Variants in COMMD10 observed in about 807,000 individuals in gnomAD.
COMMD10 encodes the protein COMM domain containing 10.
Under a neutral mutation model 28.9 loss-of-function variants are expected in COMMD10, and 33 were observed. That is an observed-to-expected ratio of 1.14 (90% CI 0.87 to 1.53). The LOEUF is 1.53. Ranked by LOEUF, COMMD10 falls within the 40% of genes most tolerant of loss-of-function variation. COMMD10 has a pLI of 0.00. For missense variants in COMMD10, 310 were observed against 233.4 expected (o/e 1.33, Z -2.14); for synonymous variants, 110 against 81.7 (o/e 1.35, Z -1.87).
chr5:116,162,583 C>T (rs1752951948), intron 5 of COMMD10, among the ~76,000 whole-genome samples: 2 of 152,108 alleles, frequency 1.3e-5, no homozygotes, highest in South Asian at 2.1e-4. Flanking sequence ...TAGATTTTCT[C>T]TTTTTATCAT....
At chr5:116,193,304 G>C (rs938055566) in intron 5 of COMMD10, among the ~76,000 whole-genome samples, 6 of 152,082 alleles carry the variant, frequency 3.9e-5, no homozygotes, top group Non-Finnish European at 5.9e-5. Flanking sequence ...TGAATGCAGT[G>C]GTACCTCACA....
At chr5:116,251,349 A>G (rs1402699903) in intron 5 of COMMD10, among the ~76,000 whole-genome samples, 1 of 149,038 alleles carries the variant, frequency 6.7e-6, no homozygotes, top group Admixed American at 6.7e-5. Context: ...TGTGCAGGTT[A>G]GTTACATACG....
chr5:116,232,225 T>A (rs1293885518), intron 5 of COMMD10, among the ~76,000 whole-genome samples: 2 of 152,152 alleles, frequency 1.3e-5, no homozygotes, highest in East Asian at 3.8e-4. Context: ...CTTCTGTAAC[T>A]TACCCATTGG....
At chr5:116,237,381 G>A (rs1749695172) in intron 5 of COMMD10, among the ~76,000 whole-genome samples, 1 of 151,950 alleles carries the variant, frequency 6.6e-6, no homozygotes, top group South Asian at 2.1e-4. Flanking sequence ...TTTTCTCTTT[G>A]GTAGTTTTAT....
chr5:116,270,959 T>G (rs1050461157), intron 5 of COMMD10, among the ~76,000 whole-genome samples: 1 of 150,238 alleles, frequency 6.7e-6, no homozygotes, highest in South Asian at 2.1e-4. Flanking sequence ...ATAAAGATTA[T>G]ATATAAATAA....
intron 4 of COMMD10, among the ~76,000 whole-genome samples, chr5:116,132,156 A>G (rs1247064745): frequency 6.6e-6 from 1 of 152,044 alleles, no homozygotes; most frequent in Non-Finnish European, 1.5e-5. Context: ...ATGAGTCATG[A>G]ATTTTGGAAA....
chr5:116,103,352 G>T (rs554822481), intron 4 of COMMD10, among the ~76,000 whole-genome samples: 23 of 152,214 alleles, frequency 1.5e-4, no homozygotes, highest in African/African-American at 5.1e-4. Context: ...ACTTTTTAAT[G>T]ATCACATTCT....
intron 4 of COMMD10, among the ~76,000 whole-genome samples, chr5:116,114,058 G>C (rs937858390): frequency 1.3e-5 from 2 of 152,046 alleles, no homozygotes. Context: ...ATTGTTATTG[G>C]TATCTGTGGA....
chr5:116,233,211 G>A (rs1463500183), intron 5 of COMMD10, among the ~76,000 whole-genome samples: 1 of 152,066 alleles, frequency 6.6e-6, no homozygotes, highest in Non-Finnish European at 1.5e-5. Context: ...ATGTATGTGT[G>A]AGAGAGAAAG....
intron 4 of COMMD10, among the ~76,000 whole-genome samples, chr5:116,095,691 T>C (rs1750447287): frequency 1.3e-5 from 2 of 152,166 alleles, no homozygotes; most frequent in African/African-American, 4.8e-5. Flanking sequence ...TTTCTAGGAA[T>C]TTGCAGCCTA....
At chr5:116,157,570 G>A (rs1009109565) in intron 5 of COMMD10, among the ~76,000 whole-genome samples, 6 of 152,174 alleles carry the variant, frequency 3.9e-5, no homozygotes, top group Non-Finnish European at 7.3e-5. Flanking sequence ...GTACAGAACA[G>A]GCACACCGTT....
intron 4 of COMMD10, among the ~76,000 whole-genome samples, chr5:116,131,626 C>CTT (rs1210410688): frequency 6.6e-6 from 1 of 151,980 alleles, no homozygotes; most frequent in Non-Finnish European, 1.5e-5. Flanking sequence ...AGTGTTGACT[C>CTT]TGTCAGAGGC....
chr5:116,101,266 G>C (rs1455353105), intron 4 of COMMD10, among the ~76,000 whole-genome samples: 1 of 152,104 alleles, frequency 6.6e-6, no homozygotes, highest in Non-Finnish European at 1.5e-5. Flanking sequence ...CCCATTGAGG[G>C]ATTGCTAGAT....
At chr5:116,132,890 C>T (rs1561621491) in intron 4 of COMMD10, among the ~76,000 whole-genome samples, 1 of 152,118 alleles carries the variant, frequency 6.6e-6, no homozygotes, top group African/African-American at 2.4e-5. Flanking sequence ...TCTACAACAT[C>T]TTCCTTCTTT....
chr5:116,223,212 AAGG>A (rs1231391110), intron 5 of COMMD10, among the ~76,000 whole-genome samples: 2 of 151,878 alleles, frequency 1.3e-5, no homozygotes, highest in African/African-American at 4.8e-5. Flanking sequence ...TTTTGAAAAA[AAGG>A]AGATAGGATA....
intron 5 of COMMD10, among the ~76,000 whole-genome samples, chr5:116,253,696 T>G (rs1171025392): frequency 6.7e-6 from 1 of 148,894 alleles, no homozygotes; most frequent in Non-Finnish European, 1.5e-5. Flanking sequence ...GGATTTGGTT[T>G]GCCAGTATTT....
intron 5 of COMMD10, among the ~76,000 whole-genome samples, chr5:116,151,814 G>T (rs1016019302): frequency 2.0e-5 from 3 of 151,954 alleles, no homozygotes; most frequent in Non-Finnish European, 2.9e-5. Flanking sequence ...CCAGTTCCTG[G>T]ATTCATTAAT....
chr5:116,196,016 G>A (rs10041456), intron 5 of COMMD10, among the ~76,000 whole-genome samples: 148,960 of 152,266 alleles, frequency 0.98, 72,942 homozygotes, highest in East Asian at 1. Context: ...CATTATGGAA[G>A]ACAGTGTGGA....
rs367966189 is a variant in COMMD10 at position 116,087,605 on chromosome 5, T to G, written c.132+18T>G. 1.3e-4 allele frequency: 202 copies of G among 1,505,260 alleles called. No homozygotes were observed. The highest frequency in any genetic ancestry group is 2.0e-4 in the Admixed American group (12 of 59,854). The allele number at this position is 1,505,260 out of a possible 1,614,324, so 93.2% of individuals were successfully genotyped here. ...ACCTGAAGGTTTGTATTTGTGTGTT[T>G]CCATGCCTTGTAATCTTCCTTCTGA... On this transcript the variant is annotated intron_variant, in intron 2 of 6. Coordinates refer to ENST00000274458, the MANE Select transcript of COMMD10 (RefSeq NM_016144.4).
Sources: gnomAD v4.1 joint callset for allele counts (sites outside exome capture counted in the v4.1 genomes callset) on GRCh38, gnomAD v4.1.1 for gene constraint, MANE v1.5 for transcripts, NCBI Gene and HGNC (gene_info 2026-07-23, HGNC 2026-07-21) for gene names.